Variants in TTBK1 observed in about 807,000 individuals in gnomAD.
TTBK1 encodes tau-tubulin kinase 1.
TTBK1 carries 34 observed loss-of-function variants against 108.5 expected under a neutral mutation model. That is an observed-to-expected ratio of 0.31 (90% CI 0.24 to 0.42). TTBK1 has a LOEUF of 0.42. Ranked by LOEUF, TTBK1 falls within the 10% of genes least tolerant of loss-of-function variation. The probability of loss-of-function intolerance (pLI) is 1.00; values close to 1 mark genes in which losing one functional copy is unlikely to be tolerated. For missense variants in TTBK1, 1,539 were observed against 1,826.0 expected (o/e 0.84, Z 2.86); for synonymous variants, 809 against 795.1 (o/e 1.02, Z -0.29).
chr6:43,284,401 T>TTCTCCAGAACCA, intron 14 of TTBK1, 89 bp downstream of exon 14: 17 of 1,445,594 alleles, frequency 1.2e-5, no homozygotes, highest in African/African-American at 1.4e-5. Context: ...GGTCAGGGGC[T>TTCTCCAGAACCA]ATGGAAGATC....
chr6:43,244,204 C>T (rs907308738), intron 1 of TTBK1, among the ~76,000 whole-genome samples: 5 of 151,998 alleles, frequency 3.3e-5, no homozygotes, highest in Admixed American at 2.6e-4. Flanking sequence ...TCCTGTCGCT[C>T]CTCATCCCTG....
chr6:43,271,300 G>C (rs1161912478), intron 13 of TTBK1: 1 of 985,362 alleles, frequency 1.0e-6, no homozygotes, highest in Admixed American at 6.1e-5. Context: ...TTACGAATGA[G>C]CGTTTGTGCA....
In TTBK1 at chr6:43,283,667, G is replaced by A. The variant is rs61737937; in HGVS notation, c.2927G>A (p.Arg976Gln). Residue 976 changes from arginine to glutamine, a missense_variant, in exon 14 of 15, where the codon CGA (arginine) becomes CAA (glutamine). This residue lies in a region of TTBK1 where 1,055 missense variants were observed against 1,086.5 expected (regional missense o/e 0.97). Transcript: ENST00000259750. This position sits in a 1 kb window ranked among gnomAD's most constrained non-coding sequence, Gnocchi z 8.1. ...GGGGGCGCTGTGGAGGAGGGGGCCC[G>A]AGCGCCCCTGGAGAACGGCCTCGCC... ...SDGGAVEEGA[R>Q]APLENGLALS... 2.2e-5 allele frequency: 35 copies of A among 1,613,826 alleles called. No individual in the cohort carries two copies. Among genetic ancestry groups the A allele is most frequent in the South Asian group, 1.8e-4 (16 of 91,080 alleles).
At chr6:43,278,446 C>T (rs1778067318) in intron 13 of TTBK1, among the ~76,000 whole-genome samples, 1 of 152,202 alleles carries the variant, frequency 6.6e-6, no homozygotes, top group African/African-American at 2.4e-5. Flanking sequence ...TGGCTGAACT[C>T]TGAATCACTA....
rs771146936 is a variant in TTBK1, at chr6:43,284,260, G to A, written c.3520G>A (p.Ala1174Thr). Reference sequence around the variant, plus strand: ...CATGCCTGTTGCAGCCCAGCAGCCCGCCAGCAGATCCCATGGCGCGGCCCC... The same window carrying A: ...CATGCCTGTTGCAGCCCAGCAGCCCACCAGCAGATCCCATGGCGCGGCCCC... The part of the protein sequence containing the change: ...MPMPVAAQQP[A>T]SRSHGAAPAL... Residue 1174 changes from alanine to threonine, a missense_variant, in exon 14 of 15, where the codon GCC becomes ACC. Transcript: ENST00000259750. The A allele has an allele frequency of 3.0e-5, 48 of 1,591,942 alleles. 1 individual carries two copies. The highest frequency in any genetic ancestry group is 6.6e-5 in the South Asian group (6 of 90,426).
chr6:43,261,885 G>C (rs1020955799), intron 12 of TTBK1, among the ~76,000 whole-genome samples: 8 of 151,716 alleles, frequency 5.3e-5, no homozygotes, highest in African/African-American at 1.9e-4. Flanking sequence ...GGTAAAGTCA[G>C]ATGGGACCCA....
At chr6:43,271,258 G>A (rs1211679788) in intron 13 of TTBK1, 2 of 985,514 alleles carry the variant, frequency 2.0e-6, no homozygotes, top group Non-Finnish European at 2.4e-6. Context: ...TTGCTTGTGT[G>A]CATGCGCGTA....
At position 43,285,259 on chromosome 6, in the gene TTBK1, T is replaced by C; in HGVS notation, c.3849T>C (p.Pro1283=). 1 of 1,293,182 alleles carries C rather than the reference T, an allele frequency of 7.7e-7. No individual in the cohort carries two copies. Among genetic ancestry groups the C allele is most frequent in the African/African-American group, 1.6e-5 (1 of 64,376 alleles). 80.1% of individuals were successfully genotyped at this position (1,293,182 alleles called of 1,614,324 possible). ...GCGTCCCGCCGGCCCGGGCCCAGCCTGATGGCACCCCCTCCCCCGGGGGCT... is the reference window on the plus strand; with the variant it reads ...GCGTCCCGCCGGCCCGGGCCCAGCCCGATGGCACCCCCTCCCCCGGGGGCT... ...PRGVPPARAQ[P]DGTPSPGGSK... is the part of the protein sequence containing the mutation. The change falls in exon 15 of 15, where the codon CCT becomes CCC. Residue 1283 remains proline (P), a synonymous_variant. Transcript: ENST00000259750. The surrounding 1 kb of genome is among the most constrained non-coding windows in gnomAD (Gnocchi z 4.7).
At chr6:43,268,534 C>T (rs527818267) in intron 13 of TTBK1, among the ~76,000 whole-genome samples, 17 of 152,340 alleles carry the variant, frequency 1.1e-4, no homozygotes, top group Non-Finnish European at 2.4e-4. Context: ...GGAGCTGGCC[C>T]AGGCAGTCCT....
intron 13 of TTBK1, among the ~76,000 whole-genome samples, chr6:43,278,938 C>T (rs1778077016): frequency 6.6e-6 from 1 of 152,172 alleles, no homozygotes; most frequent in Admixed American, 6.5e-5. Flanking sequence ...TTGTCCTCAC[C>T]CTGAGATTCA....
Position 43,273,863 on chromosome 6 carries a change from T to C in TTBK1, c.1987-8864T>C, listed in dbSNP as rs900674897. On this transcript the variant is annotated intron_variant, in intron 13 of 14. Coordinates refer to ENST00000259750, the MANE Select transcript of TTBK1 (RefSeq NM_032538.3). The surrounding 1 kb of genome is among the most constrained non-coding windows in gnomAD (Gnocchi z 4.2). ...TGGCCTAAACTCATTTTGCAACCAC[T>C]GTGAGCCTGAGGACTTCCTGCACCA... 5.3e-5 allele frequency among the ~76,000 whole-genome samples: 8 copies of C among 152,208 alleles called. No homozygotes were observed. The highest frequency in any genetic ancestry group is 1.2e-4 in the Non-Finnish European group (8 of 68,028).
chr6:43,264,662 A>C (rs1044516787), intron 13 of TTBK1, among the ~76,000 whole-genome samples: 8 of 152,062 alleles, frequency 5.3e-5, no homozygotes, highest in African/African-American at 1.9e-4. Flanking sequence ...GCATGGGAGG[A>C]GCACAGGGGA....
In TTBK1 at chr6:43,259,412, C is replaced by A. The variant is rs1376193695; in HGVS notation, c.1249-119C>A. ...CCTGCCTCTGTTTCCCGGTCCCTCC[C>A]CGCACTAGCCTCGCTGTGTCTTCCA... is the stretch of plus-strand genomic sequence containing the variant. On this transcript the variant is annotated intron_variant, in intron 11 of 14. Coordinates refer to ENST00000259750, the MANE Select transcript of TTBK1 (RefSeq NM_032538.3). The surrounding 1 kb of genome is among the most constrained non-coding windows in gnomAD (Gnocchi z 6.7). 18 of 1,325,774 alleles carry A rather than the reference C, an allele frequency of 1.4e-5. No homozygotes were observed. The highest frequency in any genetic ancestry group is 1.8e-5 in the Non-Finnish European group (18 of 978,716). 82.1% of individuals were successfully genotyped at this position (1,325,774 alleles called of 1,614,324 possible).
At chr6:43,267,703 C>T (rs921121275) in intron 13 of TTBK1, among the ~76,000 whole-genome samples, 2 of 151,936 alleles carry the variant, frequency 1.3e-5, no homozygotes, top group Non-Finnish European at 2.9e-5. Flanking sequence ...TTAGGAGTTG[C>T]GGGAAAAGCT....
chr6:43,279,862 C>T (rs1358848464), intron 13 of TTBK1, among the ~76,000 whole-genome samples: 1 of 151,960 alleles, frequency 6.6e-6, no homozygotes, highest in Non-Finnish European at 1.5e-5. Context: ...CCTTGATCTC[C>T]TCAGCCTCTC....
chr6:43,276,934 T>A lies in TTBK1; in HGVS notation c.1987-5793T>A, dbSNP rs1468523462. Among the ~76,000 whole-genome samples, 3 of 151,320 alleles carry A rather than the reference T, an allele frequency of 2.0e-5. No homozygotes were observed. Among genetic ancestry groups the A allele is most frequent in the Admixed American group, 2.0e-4 (3 of 15,218 alleles). On this transcript the variant is annotated intron_variant, in intron 13 of 14. Transcript: ENST00000259750. This position sits in a 1 kb window ranked among gnomAD's most constrained non-coding sequence, Gnocchi z 5.4. Reference sequence around the variant, plus strand: ...TGGCAGTCTCCTTTCACTGAACGGGTGGGGAGGGAAGGGGTGAGTGGACTC... The same window carrying A: ...TGGCAGTCTCCTTTCACTGAACGGGAGGGGAGGGAAGGGGTGAGTGGACTC...
At chr6:43,246,580 C>T (rs1182332675) in intron 1 of TTBK1, 27 bp from the exon 2 acceptor site, 2 of 1,128,818 alleles carry the variant, frequency 1.8e-6, no homozygotes, top group Non-Finnish European at 2.5e-6. Context: ...CGCAGCCCGC[C>T]CTCACAGGCC....
chr6:43,259,647 C>T lies in TTBK1; in HGVS notation c.1365C>T (p.Asn455=). ...GTTCTCTGCGCTACCGGAGGGTGAA[C>T]AGCCCTGAGTCAGAAAGGCTGTCCA... ...PVRSLRYRRV[N]SPESERLSTA... is the part of the protein sequence containing the mutation. Residue 455 remains asparagine (N), a synonymous_variant, in exon 12 of 15, where the codon AAC becomes AAT. Transcript: ENST00000259750. The surrounding 1 kb of genome is among the most constrained non-coding windows in gnomAD (Gnocchi z 6.7). 1 of 1,609,584 alleles carries T rather than the reference C, an allele frequency of 6.2e-7. No homozygotes were observed. Among genetic ancestry groups the T allele is most frequent in the Non-Finnish European group, 8.5e-7 (1 of 1,178,272 alleles).
Position 43,286,662 on chromosome 6 carries a change from G to A in TTBK1, c.*1286G>A. 1 of 152,876 alleles carries A rather than the reference G, an allele frequency of 6.5e-6. No homozygotes were observed. The highest frequency in any genetic ancestry group is 1.5e-5 in the Non-Finnish European group (1 of 68,372). The allele number at this position is 152,876 out of a possible 1,614,324, so 9.5% of individuals were successfully genotyped here. On this transcript the variant is annotated 3_prime_UTR_variant, in exon 15 of 15. Coordinates refer to ENST00000259750, the MANE Select transcript of TTBK1 (RefSeq NM_032538.3). The surrounding 1 kb of genome is among the most constrained non-coding windows in gnomAD (Gnocchi z 4.6). Reference sequence around the variant, plus strand: ...CTTCCCTCAGCTCACCCTTCAGCCTGTTCCTTCTTGCCCTGACCCCAGCCC... The same window carrying A: ...CTTCCCTCAGCTCACCCTTCAGCCTATTCCTTCTTGCCCTGACCCCAGCCC...
Sources: gnomAD v4.1 joint callset for allele counts (sites outside exome capture counted in the v4.1 genomes callset) on GRCh38, gnomAD v4.1.1 for gene constraint, gnomAD v4.1.1 regional missense constraint, Gnocchi (gnomAD v3.1) non-coding constraint, MANE v1.5 for transcripts, NCBI Gene and HGNC (gene_info 2026-07-23, HGNC 2026-07-21) for gene names.